Variants in LRPAP1 observed in about 807,000 individuals in gnomAD.
LRPAP1 encodes the protein alpha-2-macroglobulin receptor-associated protein.
Under a neutral mutation model 39.9 loss-of-function variants are expected in LRPAP1, and 41 were observed. The ratio of observed to expected loss-of-function variants is 1.03; its 90% CI spans 0.80 to 1.33. The LOEUF (loss-of-function observed/expected upper bound fraction) is 1.33, where lower values mean the gene tolerates loss of function less well. LRPAP1 is among the 40% of genes most tolerant of loss of function. LRPAP1 has a pLI of 0.00. For missense variants in LRPAP1, 565 were observed against 482.3 expected (o/e 1.17, Z -1.61); for synonymous variants, 263 against 212.7 (o/e 1.24, Z -2.06).
rs1729356599 is a variant in LRPAP1 at position 3,506,399 on chromosome 4, GTCT to G, written c.*6572_*6574del. ...GGTTTTTTTTTTTTTTTGAGGCGAA[GTCT>G]TGCTCTTGTCCCCAGGCCGGAGTGC... On this transcript the variant is annotated 3_prime_UTR_variant, in exon 8 of 8. Coordinates refer to ENST00000650182, the MANE Select transcript of LRPAP1 (RefSeq NM_002337.4). 1.4e-5 allele frequency: 2 copies of G among 144,704 alleles called. No homozygotes were observed. Among genetic ancestry groups the G allele is most frequent in the East Asian group, 2.0e-4 (1 of 4,904 alleles). The allele number at this position is 144,704 out of a possible 1,614,324, so 9.0% of individuals were successfully genotyped here.
intron 7 of LRPAP1, among the ~76,000 whole-genome samples, chr4:3,513,646 T>C (rs1344925175): frequency 1.3e-5 from 2 of 152,156 alleles, no homozygotes; most frequent in Non-Finnish European, 2.9e-5. Flanking sequence ...CCAGAGAGAC[T>C]GGGACAGAGC....
chr4:3,509,277 A>G lies in LRPAP1; in HGVS notation c.*3697T>C, dbSNP rs1729446155. 2 of 126,972 alleles carry G rather than the reference A, an allele frequency of 1.6e-5. No homozygotes were observed. The highest frequency in any genetic ancestry group is 8.0e-5 in the Admixed American group (1 of 12,504). 7.9% of individuals were successfully genotyped at this position (126,972 alleles called of 1,614,324 possible). A position where few individuals can be genotyped will look rare whatever the true frequency, so the allele number is the denominator to read the frequency against. On this transcript the variant is annotated 3_prime_UTR_variant, in exon 8 of 8. Transcript: ENST00000650182. ...ACGGCAGTCAACGCGTGGACACCGG[A>G]GACTGTTGAGACGCCGACTGGAGTC...
Position 3,525,100 on chromosome 4 carries a change from G to A in LRPAP1, c.205-49C>T, listed in dbSNP as rs1250163872. The A allele has an allele frequency of 3.7e-6, 6 of 1,607,762 alleles. No individual in the cohort carries two copies. The African/African-American group carries it at 6.7e-5, about 18-fold the overall frequency. ...GTGAGCCACGAGCAGGACGGACCAGGACACAGCGAGAAACTGACCTCGGAG... is the reference window on the plus strand; with the variant it reads ...GTGAGCCACGAGCAGGACGGACCAGAACACAGCGAGAAACTGACCTCGGAG... On this transcript the variant is annotated intron_variant, in intron 1 of 7. Coordinates refer to ENST00000650182, the MANE Select transcript of LRPAP1 (RefSeq NM_002337.4).
chr4:3,516,641 A>T (rs1316089468), intron 5 of LRPAP1, among the ~76,000 whole-genome samples: 2 of 152,246 alleles, frequency 1.3e-5, no homozygotes, highest in Admixed American at 1.3e-4. Flanking sequence ...CAGGGTCTCC[A>T]GCAGGATGTT....
In LRPAP1 at chr4:3,507,369, C is replaced by T. The variant is rs1382188768; in HGVS notation, c.*5605G>A. 5 of 152,200 alleles carry T rather than the reference C, an allele frequency of 3.3e-5. No homozygotes were observed. Among genetic ancestry groups the T allele is most frequent in the Non-Finnish European group, 5.9e-5 (4 of 68,026 alleles). The allele number at this position is 152,200 out of a possible 1,614,324, so 9.4% of individuals were successfully genotyped here. A position where few individuals can be genotyped will look rare whatever the true frequency, so the allele number is the denominator to read the frequency against. Reference sequence around the variant, plus strand: ...CAGGGAAGTGCAAGTTACTACAAAACGAAAACAAAAGAATCAAATGGATTT... The same window carrying T: ...CAGGGAAGTGCAAGTTACTACAAAATGAAAACAAAAGAATCAAATGGATTT... On this transcript the variant is annotated 3_prime_UTR_variant, in exon 8 of 8. Coordinates refer to ENST00000650182, the MANE Select transcript of LRPAP1 (RefSeq NM_002337.4).
rs1729474986 is a variant in LRPAP1 at position 3,510,503 on chromosome 4, C to G, written c.*2471G>C. 1 of 152,208 alleles carries G rather than the reference C, an allele frequency of 6.6e-6. No homozygotes were observed. The highest frequency in any genetic ancestry group is 1.5e-5 in the Non-Finnish European group (1 of 68,050). The allele number at this position is 152,208 out of a possible 1,614,324, so 9.4% of individuals were successfully genotyped here. The stretch of plus-strand genomic sequence containing the variant: ...CAGAAACAGACCCACACAGGTAGGT[C>G]AGTTGATTTCTGACAAAGGCGCCAA... On this transcript the variant is annotated 3_prime_UTR_variant, in exon 8 of 8. Transcript: ENST00000650182.
At chr4:3,522,661 GACGCCGCCCC>G (rs1299040501) in intron 2 of LRPAP1, among the ~76,000 whole-genome samples, 2 of 104,650 alleles carry the variant, frequency 1.9e-5, no homozygotes, top group African/African-American at 3.3e-5. Context: ...GGGGAGGACG[GACGCCGCCCC>G]ACACCCCCTG....
At chr4:3,515,836 T>C (rs1729675857) in intron 6 of LRPAP1, 3 of 488,452 alleles carry the variant, frequency 6.1e-6, no homozygotes, top group Non-Finnish European at 1.1e-5. Context: ...CGACCAACTG[T>C]TGACCATCCA....
chr4:3,516,041 AT>A, intron 6 of LRPAP1, 74 bp downstream of exon 6: 1 of 1,412,068 alleles, frequency 7.1e-7, no homozygotes, highest in South Asian at 1.2e-5. Flanking sequence ...AGAGGGCTGC[AT>A]TTCCTTACCC....
At chr4:3,531,586 G>C (rs528841000) in intron 1 of LRPAP1, among the ~76,000 whole-genome samples, 1 of 152,092 alleles carries the variant, frequency 6.6e-6, no homozygotes, top group Non-Finnish European at 1.5e-5. Flanking sequence ...CACCGGCCGA[G>C]CCACCTTGGG....
Position 3,509,935 on chromosome 4 carries a change from GT to G in LRPAP1, c.*3038del, listed in dbSNP as rs1262220080. 1.3e-5 allele frequency: 2 copies of G among 152,240 alleles called. No individual in the cohort carries two copies. Among genetic ancestry groups the G allele is most frequent in the Non-Finnish European group, 2.9e-5 (2 of 68,056 alleles). The allele number at this position is 152,240 out of a possible 1,614,324, so 9.4% of individuals were successfully genotyped here. A position where few individuals can be genotyped will look rare whatever the true frequency, so the allele number is the denominator to read the frequency against. ...CATGTATTCAAGACATTCAGAAAAG[GT>G]ATTCAAAAATGCGTTCAAGGGAATT... On this transcript the variant is annotated 3_prime_UTR_variant, in exon 8 of 8. Transcript: ENST00000650182.
intron 5 of LRPAP1, among the ~76,000 whole-genome samples, 170 bp from the exon 6 acceptor site, chr4:3,516,368 C>T (rs1159823866): frequency 1.1e-5 from 1 of 94,306 alleles, no homozygotes; most frequent in Non-Finnish European, 2.4e-5. Context: ...GCACAGAGGG[C>T]ATCTGCTCAG....
At chr4:3,515,161 A>G (rs1309189379) in intron 6 of LRPAP1, among the ~76,000 whole-genome samples, 1 of 152,116 alleles carries the variant, frequency 6.6e-6, no homozygotes, top group African/African-American at 2.4e-5. Flanking sequence ...GTCTCTGCAA[A>G]TGGCACCCCC....
chr4:3,517,121 C>CAT (rs1553853827), intron 5 of LRPAP1, among the ~76,000 whole-genome samples: 1 of 151,644 alleles, frequency 6.6e-6, no homozygotes, highest in East Asian at 1.9e-4. Context: ...CTACGGCTGA[C>CAT]AGTCACCAGC....
At chr4:3,517,232 G>A (rs1729741157) in intron 5 of LRPAP1, among the ~76,000 whole-genome samples, 1 of 152,244 alleles carries the variant, frequency 6.6e-6, no homozygotes, top group African/African-American at 2.4e-5. Flanking sequence ...AGGGGACCTG[G>A]GCCCGCGTGG....
intron 1 of LRPAP1, among the ~76,000 whole-genome samples, chr4:3,530,705 C>G (rs1411301829): frequency 2.6e-5 from 4 of 152,188 alleles, no homozygotes; most frequent in Admixed American, 6.5e-5. Context: ...GCAGGGGCAG[C>G]CTGAGGGCAG....
rs1018892022 is a variant in LRPAP1 at position 3,508,990 on chromosome 4, A to T, written c.*3984T>A. On this transcript the variant is annotated 3_prime_UTR_variant, in exon 8 of 8. Coordinates refer to ENST00000650182, the MANE Select transcript of LRPAP1 (RefSeq NM_002337.4). Reference sequence around the variant, plus strand: ...ACACGGAAACCCCACGAGTCCACAGAAACACCGCCATGGCCAAGGCGGGAG... The same window carrying T: ...ACACGGAAACCCCACGAGTCCACAGTAACACCGCCATGGCCAAGGCGGGAG... The T allele has an allele frequency of 6.6e-6, 1 of 152,264 alleles. No homozygotes were observed. Among genetic ancestry groups the T allele is most frequent in the Admixed American group, 6.5e-5 (1 of 15,288 alleles). The allele number at this position is 152,264 out of a possible 1,614,324, so 9.4% of individuals were successfully genotyped here.
intron 1 of LRPAP1, among the ~76,000 whole-genome samples, chr4:3,526,460 A>G (rs950794313): frequency 6.6e-6 from 1 of 152,266 alleles, no homozygotes; most frequent in Non-Finnish European, 1.5e-5. Context: ...AACACAAGCT[A>G]GTATCCAAAG....
intron 6 of LRPAP1, among the ~76,000 whole-genome samples, chr4:3,515,612 A>C (rs1794443): frequency 0.71 from 108,539 of 152,010 alleles, 39,122 homozygotes; most frequent in East Asian, 0.93. Flanking sequence ...AGGACCCCCG[A>C]TGGACTCCCC....
Sources: gnomAD v4.1 joint callset for allele counts (sites outside exome capture counted in the v4.1 genomes callset) on GRCh38, gnomAD v4.1.1 for gene constraint, MANE v1.5 for transcripts, NCBI Gene and HGNC (gene_info 2026-07-23, HGNC 2026-07-21) for gene names.